IL1RAPL1: variants seen among roughly 807,000 people sequenced by gnomAD.
IL1RAPL1 encodes interleukin-1 receptor accessory protein-like 1.
A neutral mutation model predicts 48.4 loss-of-function variants in IL1RAPL1; 3 were observed. The ratio of observed to expected loss-of-function variants is 0.06; its 90% confidence interval spans 0.03 to 0.16. IL1RAPL1 has a LOEUF of 0.16. Among genes scored for constraint, IL1RAPL1 ranks in the 10% least tolerant of loss-of-function variants. IL1RAPL1 has a pLI of 1.00. For missense variants in IL1RAPL1, 349 were observed against 530.6 expected (o/e 0.66, Z 3.36); for synonymous variants, 185 against 187.7 (o/e 0.99, Z 0.12).
chrX:28,959,176 A>T (rs1924698741), intron 2 of IL1RAPL1, among the ~76,000 whole-genome samples: 1 of 89,647 alleles, frequency 1.1e-5, no homozygotes, highest in Admixed American at 1.3e-4. Flanking sequence ...TTTATTGTGT[A>T]TCTAATTTTT....
At chrX:29,627,211 G>A (rs1413513950) in intron 5 of IL1RAPL1, among the ~76,000 whole-genome samples, 1 of 112,187 alleles carries the variant, frequency 8.9e-6, no homozygotes, top group Non-Finnish European at 1.9e-5. Context: ...CAAATGCTGT[G>A]AAGGAGGGGT....
At chrX:29,011,353 G>C (rs745837237) in intron 2 of IL1RAPL1, among the ~76,000 whole-genome samples, 3 of 112,410 alleles carry the variant, frequency 2.7e-5, no homozygotes, top group Non-Finnish European at 5.6e-5. Context: ...GTTCTTAATA[G>C]ATAAAAACTA....
chrX:29,463,883 C>T (rs1231872996), intron 5 of IL1RAPL1, among the ~76,000 whole-genome samples: 2 of 111,401 alleles, frequency 1.8e-5, no homozygotes, highest in African/African-American at 3.3e-5. Flanking sequence ...GTTGTGGAGG[C>T]CCCGTGTAGG....
intron 1 of IL1RAPL1, among the ~76,000 whole-genome samples, chrX:28,724,796 A>G (rs1459212496): frequency 9.0e-6 from 1 of 110,805 alleles, no homozygotes; most frequent in African/African-American, 3.3e-5. Context: ...TACAAGAATG[A>G]CTGATTGTTA....
intron 2 of IL1RAPL1, among the ~76,000 whole-genome samples, chrX:28,946,089 TA>T (rs1004444573): frequency 9.1e-6 from 1 of 109,302 alleles, no homozygotes; most frequent in Non-Finnish European, 1.9e-5. Flanking sequence ...TAAGATCTGA[TA>T]AAAAAAGAGG....
At chrX:29,692,136 C>T (rs1601781440) in intron 6 of IL1RAPL1, among the ~76,000 whole-genome samples, 1 of 112,037 alleles carries the variant, frequency 8.9e-6, no homozygotes, top group South Asian at 3.7e-4. Context: ...CACAGCCTTA[C>T]CCCACTACCC....
intron 3 of IL1RAPL1, among the ~76,000 whole-genome samples, chrX:29,337,103 T>C (rs1410245080): frequency 1.8e-5 from 2 of 111,765 alleles, no homozygotes; most frequent in Admixed American, 1.9e-4. Context: ...CTTTGGGGTA[T>C]TGTGTTCTGA....
intron 6 of IL1RAPL1, among the ~76,000 whole-genome samples, chrX:29,754,070 T>C (rs1928555104): frequency 8.9e-6 from 1 of 111,755 alleles, no homozygotes; most frequent in African/African-American, 3.3e-5. Context: ...ATCCTGTGAT[T>C]TGTCATGCAT....
In IL1RAPL1 at chrX:28,905,076, A is replaced by G. The variant is rs1276472858; in HGVS notation, c.82+115651A>G. On this transcript the variant is annotated intron_variant, in intron 2 of 10. Coordinates refer to ENST00000378993, the MANE Select transcript of IL1RAPL1 (RefSeq NM_014271.4). ...TTAGTTTTGGATATTTTCTCCCATT[A>G]CATTTTTCTTCCATAATCTCTAAGA... is the stretch of plus-strand genomic sequence containing the variant. 3.6e-5 allele frequency among the ~76,000 whole-genome samples: 4 copies of G among 111,274 alleles called. No individual in the cohort carries two copies. In the East Asian group the frequency reaches 8.5e-4, roughly 24 times the overall value.
chrX:29,294,389 G>A (rs753207174), intron 3 of IL1RAPL1, among the ~76,000 whole-genome samples: 35 of 108,858 alleles, frequency 3.2e-4, no homozygotes, highest in Non-Finnish European at 5.5e-4. Flanking sequence ...TGAGCCGGGC[G>A]TGGTGGTGGG....
intron 5 of IL1RAPL1, among the ~76,000 whole-genome samples, chrX:29,575,813 A>C (rs1365224582): frequency 8.9e-6 from 1 of 111,754 alleles, no homozygotes; most frequent in Non-Finnish European, 1.9e-5. Context: ...CCATCTCAAT[A>C]ATGTGGATCT....
At chrX:29,366,344 T>A (rs1306127112) in intron 3 of IL1RAPL1, among the ~76,000 whole-genome samples, 1 of 110,325 alleles carries the variant, frequency 9.1e-6, no homozygotes, top group Non-Finnish European at 1.9e-5. Flanking sequence ...TACTTGGTAA[T>A]TATTTTGTCA....
chrX:28,853,077 A>G (rs909912967), intron 2 of IL1RAPL1, among the ~76,000 whole-genome samples: 2 of 110,575 alleles, frequency 1.8e-5, no homozygotes, highest in Non-Finnish European at 3.8e-5. Flanking sequence ...GAGGCATGGG[A>G]TTGATCTGGA....
chrX:29,593,136 A>G (rs894031990), intron 5 of IL1RAPL1, among the ~76,000 whole-genome samples: 1 of 111,674 alleles, frequency 9.0e-6, no homozygotes, highest in Admixed American at 9.5e-5. Flanking sequence ...GGTTTTGCTC[A>G]GATGGGCCCT....
At chrX:29,651,107 CAA>C (rs367929472) in intron 5 of IL1RAPL1, among the ~76,000 whole-genome samples, 22 of 93,089 alleles carry the variant, frequency 2.4e-4, no homozygotes, top group African/African-American at 6.2e-4. Flanking sequence ...TGGCTATTGT[CAA>C]AAAAAAAAAA....
At chrX:29,452,320 T>G (rs770001080) in intron 5 of IL1RAPL1, among the ~76,000 whole-genome samples, 2 of 111,860 alleles carry the variant, frequency 1.8e-5, no homozygotes, top group Non-Finnish European at 3.8e-5. Context: ...GGCAGAAAAT[T>G]ATTGGTGTGG....
chrX:28,898,094 A>T (rs1922979014), intron 2 of IL1RAPL1, among the ~76,000 whole-genome samples: 1 of 111,737 alleles, frequency 8.9e-6, no homozygotes, highest in Non-Finnish European at 1.9e-5. Context: ...TTCTTCAGTT[A>T]CTTCAGGCCA....
intron 1 of IL1RAPL1, among the ~76,000 whole-genome samples, chrX:28,760,863 G>A (rs774580285): frequency 6.3e-5 from 7 of 110,516 alleles, no homozygotes; most frequent in Non-Finnish European, 1.1e-4. Flanking sequence ...CGAGGTGGGT[G>A]GATCATGAGG....
chrX:29,540,683 G>T (rs76971241), intron 5 of IL1RAPL1, among the ~76,000 whole-genome samples: 2 of 111,481 alleles, frequency 1.8e-5, no homozygotes, highest in African/African-American at 6.5e-5. Context: ...AATGGGGAAA[G>T]GACTCCCTAT....
Sources: gnomAD v4.1 joint callset for allele counts (sites outside exome capture counted in the v4.1 genomes callset) on GRCh38, gnomAD v4.1.1 for gene constraint, MANE v1.5 for transcripts, NCBI Gene and HGNC (gene_info 2026-07-23, HGNC 2026-07-21) for gene names.